Variants in SPATA17 observed in about 807,000 individuals in gnomAD.
SPATA17 encodes spermatogenesis-associated protein 17.
In SPATA17, 53 loss-of-function variants were observed where a neutral mutation model predicts 62.2. That is an observed-to-expected ratio of 0.85 (90% confidence interval 0.68 to 1.07). SPATA17 has a LOEUF of 1.07. SPATA17 is among the 50% of genes least tolerant of loss of function. SPATA17 has a pLI of 0.00. For missense variants in SPATA17, 466 were observed against 425.5 expected (o/e 1.10, Z -0.84); for synonymous variants, 146 against 146.8 (o/e 0.99, Z 0.04).
At chr1:217,866,535 A>G (rs1676013580) in intron 10 of SPATA17, 1 of 152,284 alleles carries the variant, frequency 6.6e-6, no homozygotes, top group Non-Finnish European at 1.5e-5. Flanking sequence ...ATCATAGCTC[A>G]CTGCAACCTC....
chr1:217,865,240 C>A (rs1210097288), intron 10 of SPATA17, among the ~76,000 whole-genome samples: 2 of 152,178 alleles, frequency 1.3e-5, no homozygotes, highest in African/African-American at 4.8e-5. Flanking sequence ...TATTTGATTG[C>A]TTCAGCTCCA....
chr1:217,683,330 A>C lies in SPATA17; in HGVS notation c.364A>C (p.Lys122Gln), dbSNP rs764147672. Residue 122 changes from lysine to glutamine, a missense_variant, in exon 5 of 11, where the codon AAA (lysine) becomes CAA (glutamine). Coordinates refer to ENST00000366933, the MANE Select transcript of SPATA17 (RefSeq NM_138796.4). ...TTATTATTATTTGAAAGAGTACCTG[A>C]AAGTCGTTTCAGAGACCAATGATGC... ...FNYYYLKEYLKVVSETNDAIR... is the reference protein window; with the variant it reads ...FNYYYLKEYLQVVSETNDAIR... 15 of 1,610,342 alleles carry C rather than the reference A, an allele frequency of 9.3e-6. No homozygotes were observed. The highest frequency in any genetic ancestry group is 8.4e-5 in the Admixed American group (5 of 59,454).
intron 10 of SPATA17, among the ~76,000 whole-genome samples, chr1:217,865,305 C>T (rs1043868347): frequency 2.0e-5 from 3 of 152,180 alleles, no homozygotes; most frequent in Admixed American, 2.0e-4. Flanking sequence ...ACACCCAATA[C>T]TACATTTTCC....
chr1:217,741,547 T>G (rs1412673162), intron 5 of SPATA17, among the ~76,000 whole-genome samples: 1 of 152,184 alleles, frequency 6.6e-6, no homozygotes, highest in Non-Finnish European at 1.5e-5. Flanking sequence ...TTTTAAAAAT[T>G]AGGCCATTAG....
chr1:217,847,621 T>C (rs1278548178), intron 9 of SPATA17, among the ~76,000 whole-genome samples: 2 of 152,202 alleles, frequency 1.3e-5, no homozygotes, highest in Admixed American at 1.3e-4. Context: ...CATTCTAATA[T>C]GTTTTAGTAT....
At chr1:217,839,186 A>G (rs1249188550) in intron 9 of SPATA17, among the ~76,000 whole-genome samples, 1 of 152,044 alleles carries the variant, frequency 6.6e-6, no homozygotes, top group Non-Finnish European at 1.5e-5. Context: ...CAGAGTGACA[A>G]TCACAGCACA....
At chr1:217,859,183 A>T (rs1429011634) in intron 9 of SPATA17, among the ~76,000 whole-genome samples, 1 of 146,562 alleles carries the variant, frequency 6.8e-6, no homozygotes, top group Non-Finnish European at 1.5e-5. Flanking sequence ...TATAATATAA[A>T]ATTATAAATA....
chr1:217,732,614 T>C (rs567500286), intron 5 of SPATA17, among the ~76,000 whole-genome samples: 1 of 152,316 alleles, frequency 6.6e-6, no homozygotes, highest in South Asian at 2.1e-4. Flanking sequence ...GAATATGATA[T>C]GCCTTCATCT....
intron 9 of SPATA17, among the ~76,000 whole-genome samples, chr1:217,809,769 G>A (rs1232101887): frequency 6.6e-6 from 1 of 152,128 alleles, no homozygotes; most frequent in African/African-American, 2.4e-5. Context: ...CATGAGTTTT[G>A]GTGAGAACAA....
At position 217,691,544 on chromosome 1, in the gene SPATA17, T is replaced by G. The variant is rs1422903177; in HGVS notation, c.395+8183T>G. ...CTTTTGCTGCCATTGCTTTTGGTGT[T>G]TTGGACATGAAGTCCTTGCCCACGC... On this transcript the variant is annotated intron_variant, in intron 5 of 10. Transcript: ENST00000366933. Among the ~76,000 whole-genome samples the G allele has an allele frequency of 3.9e-3, 307 of 77,730 alleles. 3 individuals carry two copies. Among genetic ancestry groups the G allele is most frequent in the African/African-American group, 0.014 (275 of 19,688 alleles). 51.0% of individuals were successfully genotyped at this position (77,730 alleles called of 152,430 possible).
chr1:217,672,613 T>G (rs1194167938), intron 4 of SPATA17, among the ~76,000 whole-genome samples: 1 of 151,908 alleles, frequency 6.6e-6, no homozygotes, highest in Non-Finnish European at 1.5e-5. Flanking sequence ...CATCCCTAAA[T>G]AGATATCAGT....
chr1:217,733,685 A>G (rs1281573305), intron 5 of SPATA17, among the ~76,000 whole-genome samples: 2 of 152,200 alleles, frequency 1.3e-5, no homozygotes, highest in Non-Finnish European at 2.9e-5. Flanking sequence ...TCTCTACATG[A>G]TATTAACTCT....
intron 8 of SPATA17, among the ~76,000 whole-genome samples, chr1:217,786,642 A>G (rs1345403880): frequency 6.6e-6 from 1 of 152,156 alleles, no homozygotes; most frequent in East Asian, 1.9e-4. Flanking sequence ...TGTGAGACAA[A>G]TGTATTTCAG....
chr1:217,715,703 G>A (rs1015377831), intron 5 of SPATA17, among the ~76,000 whole-genome samples: 16 of 150,500 alleles, frequency 1.1e-4, no homozygotes, highest in African/African-American at 3.9e-4. Flanking sequence ...GCCTATTGCT[G>A]TTATTTTATG....
chr1:217,649,036 T>C, intron 2 of SPATA17, 65 bp downstream of exon 2: 2 of 1,154,508 alleles, frequency 1.7e-6, no homozygotes, highest in Non-Finnish European at 2.5e-6. Context: ...GAAAATGTAA[T>C]TTATTCATGA....
At chr1:217,649,266 G>A (rs1300129167) in intron 2 of SPATA17, among the ~76,000 whole-genome samples, 3 of 152,060 alleles carry the variant, frequency 2.0e-5, no homozygotes, top group Non-Finnish European at 2.9e-5. Flanking sequence ...ATCACTTGAG[G>A]TCAGGAGTTT....
chr1:217,683,035 A>G (rs1445481839), intron 4 of SPATA17, among the ~76,000 whole-genome samples: 1 of 151,748 alleles, frequency 6.6e-6, no homozygotes, highest in Non-Finnish European at 1.5e-5. Context: ...ATAATTTAAA[A>G]TAAATTATAA....
intron 6 of SPATA17, among the ~76,000 whole-genome samples, chr1:217,756,956 A>T (rs898744839): frequency 5.3e-5 from 8 of 152,236 alleles, no homozygotes; most frequent in Middle Eastern, 3.2e-3. Context: ...TCGACATCTC[A>T]TTCTTGATCT....
At chr1:217,703,331 C>T (rs1312500351) in intron 5 of SPATA17, among the ~76,000 whole-genome samples, 3 of 151,912 alleles carry the variant, frequency 2.0e-5, no homozygotes, top group African/African-American at 2.4e-5. Context: ...ACCACCATGC[C>T]CGGCTAGCTT....
Sources: allele counts gnomAD v4.1 joint callset (sites outside exome capture counted in the v4.1 genomes callset), GRCh38; gene constraint gnomAD v4.1.1; transcripts MANE v1.5; gene names NCBI Gene and HGNC (gene_info 2026-07-23, HGNC 2026-07-21).